The following NSMCE4A variants were observed in gnomAD, a reference collection of about 807,000 sequenced individuals.
The protein encoded by NSMCE4A is NSE4A component of SMC5/6 complex.
NSMCE4A carries 40 observed loss-of-function variants against 47.9 expected under a neutral mutation model. The ratio of observed to expected loss-of-function variants is 0.83; its 90% CI spans 0.65 to 1.09. The LOEUF is 1.09. Ranked by LOEUF, NSMCE4A falls within the 50% of genes least tolerant of loss-of-function variation. The pLI is 0.00. For missense variants in NSMCE4A, 500 were observed against 507.0 expected (o/e 0.99, Z 0.13); for synonymous variants, 166 against 178.5 (o/e 0.93, Z 0.56).
chr10:121,959,895 G>C, intron 8 of NSMCE4A: 1 of 401,060 alleles, frequency 2.5e-6, no homozygotes, highest in South Asian at 3.2e-5. Context: ...ATAGGACATT[G>C]AGAACATTGA....
At position 121,963,177 on chromosome 10, in the gene NSMCE4A, C is replaced by T. The variant is rs1489359887; in HGVS notation, c.844+61G>A. 1.1e-5 allele frequency: 11 copies of T among 972,130 alleles called. 1 individual carries two copies. Among genetic ancestry groups the T allele is most frequent in the Admixed American group, 8.1e-5 (4 of 49,622 alleles). 60.2% of individuals were successfully genotyped at this position (972,130 alleles called of 1,614,324 possible). ...TACAGCTGAAATTGCCTTTTAAATA[C>T]AAGTAACCTCAGTGAACAGATAAAT... On this transcript the variant is annotated intron_variant, in intron 6 of 10. Coordinates refer to ENST00000369023, the MANE Select transcript of NSMCE4A (RefSeq NM_017615.3).
chr10:121,960,288 A>G lies in NSMCE4A; in HGVS notation c.988+70T>C, dbSNP rs1393597587. ...CATTGAAAATTCATTTACATTTAGTAAAATACTTAAATTCTACTAACAAAT... is the reference window on the plus strand; with the variant it reads ...CATTGAAAATTCATTTACATTTAGTGAAATACTTAAATTCTACTAACAAAT... On this transcript the variant is annotated intron_variant, in intron 8 of 10. Transcript: ENST00000369023. This position sits in a 1 kb window ranked among gnomAD's most constrained non-coding sequence, Gnocchi z 4.2. 2 of 1,011,866 alleles carry G rather than the reference A, an allele frequency of 2.0e-6. No individual in the cohort carries two copies. The highest frequency in any genetic ancestry group is 3.2e-5 in the East Asian group (1 of 31,124). The allele number at this position is 1,011,866 out of a possible 1,614,324, so 62.7% of individuals were successfully genotyped here. A position where few individuals can be genotyped will look rare whatever the true frequency, so the allele number is the denominator to read the frequency against.
chr10:121,959,693 T>C (rs1387701083), intron 8 of NSMCE4A, 98 bp from the exon 9 acceptor site: 2 of 771,586 alleles, frequency 2.6e-6, no homozygotes, highest in African/African-American at 1.7e-5. Flanking sequence ...GAAACCTGTA[T>C]TGAAAAGATA....
Position 121,975,056 on chromosome 10 carries a change from C to A in NSMCE4A, c.110G>T (p.Arg37Met). The change falls in exon 1 of 11, where the codon AGG becomes ATG. Residue 37 changes from arginine to methionine, a missense_variant. Arg to Met is a moderately conservative substitution (Grantham distance 91, BLOSUM62 -1). Transcript: ENST00000369023. ...CTCCCGCGCAGAGCCGCGGCGGGAC[C>A]TGGGCGACAAAGGGGACCGCGAGCG... ...RSRSRSPLSP[R>M]SRRGSARERR... 6.8e-7 allele frequency: 1 copy of A among 1,460,700 alleles called. No individual in the cohort carries two copies. The allele number at this position is 1,460,700 out of a possible 1,614,324, so 90.5% of individuals were successfully genotyped here. A position where few individuals can be genotyped will look rare whatever the true frequency, so the allele number is the denominator to read the frequency against.
In NSMCE4A at chr10:121,969,741, A is replaced by T. The variant is rs576410011; in HGVS notation, c.501+1198T>A. Among the ~76,000 whole-genome samples, 6 of 152,302 alleles carry T rather than the reference A, an allele frequency of 3.9e-5. No homozygotes were observed. In the South Asian group the frequency reaches 1.2e-3, roughly 32 times the overall value. On this transcript the variant is annotated intron_variant, in intron 3 of 10. Coordinates refer to ENST00000369023, the MANE Select transcript of NSMCE4A (RefSeq NM_017615.3). The stretch of plus-strand genomic sequence containing the variant: ...GATTGATTGATTGATTTTGAGGTGC[A>T]GTCTCACTCTGTAGCCCAGGCTGGA...
chr10:121,959,669 T>C (rs1302154907), intron 8 of NSMCE4A, 74 bp from the exon 9 acceptor site: 6 of 957,424 alleles, frequency 6.3e-6, no homozygotes, highest in Non-Finnish European at 8.4e-6. Flanking sequence ...CGGAAACTGA[T>C]GAATAATAGC....
In NSMCE4A at chr10:121,973,745, T is replaced by A. The variant is rs77554845; in HGVS notation, c.370+259A>T. Among the ~76,000 whole-genome samples, 1,462 of 152,304 alleles carry A rather than the reference T, an allele frequency of 9.6e-3. 12 individuals carry two copies. The highest frequency in any genetic ancestry group is 0.012 in the Non-Finnish European group (844 of 68,032). On this transcript the variant is annotated intron_variant, in intron 2 of 10. Transcript: ENST00000369023. ...AGAAACAAGATAACACATGTAACGTTCTCAAACTTGAAGAGGCAACAGAAT... is the reference window on the plus strand; with the variant it reads ...AGAAACAAGATAACACATGTAACGTACTCAAACTTGAAGAGGCAACAGAAT...
Position 121,963,329 on chromosome 10 carries a change from C to T in NSMCE4A, c.754-1G>A. On this transcript the variant is annotated splice_acceptor_variant, in intron 5 of 10. Coordinates refer to ENST00000369023, the MANE Select transcript of NSMCE4A (RefSeq NM_017615.3). LOFTEE classifies it high-confidence loss of function. Reference sequence around the variant, plus strand: ...GATGAGATTCTTCCATTCTTCTTAACTGAAAAAAGTCATTATCAAGCTGAC... The same window carrying T: ...GATGAGATTCTTCCATTCTTCTTAATTGAAAAAAGTCATTATCAAGCTGAC... 1.9e-6 allele frequency: 3 copies of T among 1,587,754 alleles called. No homozygotes were observed. The highest frequency in any genetic ancestry group is 1.7e-5 in the Admixed American group (1 of 59,844).
chr10:121,962,411 T>G (rs1952518828), intron 6 of NSMCE4A, among the ~76,000 whole-genome samples: 1 of 147,374 alleles, frequency 6.8e-6, no homozygotes, highest in Admixed American at 6.8e-5. Context: ...AGAGCGAGAC[T>G]CTGTCTCAAA....
rs1469763518 is a variant in NSMCE4A at position 121,974,874 on chromosome 10, G to C, written c.292C>G (p.Gln98Glu). 6.7e-7 allele frequency: 1 copy of C among 1,487,028 alleles called. No homozygotes were observed. Among genetic ancestry groups the C allele is most frequent in the East Asian group, 3.0e-5 (1 of 33,586 alleles). The allele number at this position is 1,487,028 out of a possible 1,614,324, so 92.1% of individuals were successfully genotyped here. The part of the protein sequence containing the change: ...QYRALINSVQ[Q>E]NREDILNAGD... ...GCGCCGCCCGGAGGCGCCGCCTTAC[G>C]TTGGACGGAGTTGATGAGCGCCCGG... is the stretch of plus-strand genomic sequence containing the variant. Residue 98 changes from glutamine (Q) to glutamate (E), a missense_variant and splice_region_variant, in exon 1 of 11, where the codon CAA (glutamine) becomes GAA (glutamate). By Grantham distance (29) the Gln-to-Glu change is conservative. Coordinates refer to ENST00000369023, the MANE Select transcript of NSMCE4A (RefSeq NM_017615.3).
At chr10:121,968,085 A>G (rs563021294) in intron 3 of NSMCE4A, among the ~76,000 whole-genome samples, 1 of 152,336 alleles carries the variant, frequency 6.6e-6, no homozygotes, top group South Asian at 2.1e-4. Context: ...ACCTGGGTAT[A>G]CGTGCCCACA....
At chr10:121,973,879 G>A in intron 2 of NSMCE4A, 125 bp downstream of exon 2, 6 of 662,370 alleles carry the variant, frequency 9.1e-6, no homozygotes, top group South Asian at 4.0e-5. Flanking sequence ...ATAATGAAAC[G>A]GTTCCCGAAC....
intron 5 of NSMCE4A, 125 bp downstream of exon 5, chr10:121,965,161 T>A: frequency 1.6e-6 from 1 of 620,108 alleles, no homozygotes; most frequent in South Asian, 2.2e-5. Flanking sequence ...AAAATGATTA[T>A]TTAAGTGACA....
chr10:121,973,238 CAAA>C (rs11327063), intron 2 of NSMCE4A, among the ~76,000 whole-genome samples: 19,619 of 132,104 alleles, frequency 0.15, 1,460 homozygotes, highest in East Asian at 0.19. Flanking sequence ...TCTCAAACCT[CAAA>C]AAAAAAAAAA....
chr10:121,971,915 C>T (rs1952721854), intron 2 of NSMCE4A, among the ~76,000 whole-genome samples: 2 of 152,102 alleles, frequency 1.3e-5, no homozygotes, highest in Non-Finnish European at 2.9e-5. Flanking sequence ...GCAAAGCCAC[C>T]CAAATGAACA....
chr10:121,958,825 C>CTTTTTTTTTTTTT lies in NSMCE4A; in HGVS notation c.*12+498_*12+499insAAAAAAAAAAAAA, dbSNP rs778070060. 1.8e-4 allele frequency among the ~76,000 whole-genome samples: 27 copies of CTTTTTTTTTTTTT among 146,826 alleles called. 1 individual carries two copies. Among genetic ancestry groups the CTTTTTTTTTTTTT allele is most frequent in the Admixed American group, 2.8e-4 (4 of 14,426 alleles). ...TGCACTGCTTCTTTCAGCTGCAAGT[C>CTTTTTTTTTTTTT]TTTTTTTTGAGACAGAGTCTTGCTC... is the stretch of plus-strand genomic sequence containing the variant. On this transcript the variant is annotated intron_variant, in intron 10 of 10. Transcript: ENST00000369023.
At chr10:121,967,632 T>C (rs1234728557) in intron 4 of NSMCE4A, 23 bp downstream of exon 4, 5 of 1,601,464 alleles carry the variant, frequency 3.1e-6, no homozygotes, top group South Asian at 1.1e-5. Context: ...AACTGGTCTG[T>C]TGGATTTTTA....
chr10:121,967,665 A>G lies in NSMCE4A; in HGVS notation c.643T>C (p.Phe215Leu). ...TTAAAATAATCTTACAGAAAGTGGA[A>G]TGTATGGGTTTTATTAAAGGTGTTT... Reference protein sequence around the residue: ...AENTFNKTHTFHFLLGSIYGE... With the variant: ...AENTFNKTHTLHFLLGSIYGE... Residue 215 changes from phenylalanine (F) to leucine (L), a missense_variant, in exon 4 of 11, where the codon TTC becomes CTC. Coordinates refer to ENST00000369023, the MANE Select transcript of NSMCE4A (RefSeq NM_017615.3). 6.2e-7 allele frequency: 1 copy of G among 1,606,658 alleles called. No homozygotes were observed. Among genetic ancestry groups the G allele is most frequent in the Non-Finnish European group, 8.5e-7 (1 of 1,178,436 alleles).
intron 4 of NSMCE4A, 124 bp from the exon 5 acceptor site, chr10:121,965,509 G>A: frequency 1.5e-6 from 1 of 675,094 alleles, no homozygotes; most frequent in Non-Finnish European, 2.6e-6. Flanking sequence ...TGATATACAA[G>A]CTGACATCAG....
Sources: gnomAD v4.1 joint callset for allele counts (sites outside exome capture counted in the v4.1 genomes callset) on GRCh38, gnomAD v4.1.1 for gene constraint, Gnocchi (gnomAD v3.1) non-coding constraint, MANE v1.5 for transcripts, NCBI Gene and HGNC (gene_info 2026-07-23, HGNC 2026-07-21) for gene names.